The following TSPAN11 variants were observed in gnomAD, a reference collection of about 807,000 sequenced individuals.
The protein encoded by TSPAN11 is tetraspanin 11, also known as tetraspanin-11.
A neutral mutation model predicts 32.9 loss-of-function variants in TSPAN11; 29 were observed. That is an observed-to-expected ratio of 0.88 (90% CI 0.66 to 1.20). The LOEUF is 1.20. TSPAN11 is among the 50% of genes most tolerant of loss of function. TSPAN11 has a pLI of 0.00. For synonymous variants in TSPAN11, 140 were observed against 141.3 expected, an observed-to-expected ratio of 0.99 and a Z score of 0.07; for missense variants, 283 against 329.1, an observed-to-expected ratio of 0.86 and a Z score of 1.08.
At chr12:30,959,901 T>TATCTATTAAAAACACAGAGTAGA (rs1565795028) in intron 2 of TSPAN11, among the ~76,000 whole-genome samples, 10 of 149,192 alleles carry the variant, frequency 6.7e-5, no homozygotes, top group African/African-American at 2.0e-4. Context: ...TTTTTGGGCT[T>TATCTATTAAAAACACAGAGTAGA]GGTGCCTGGG....
intron 3 of TSPAN11, among the ~76,000 whole-genome samples, chr12:30,964,476 A>AT (rs555916861): frequency 2.0e-5 from 3 of 146,624 alleles, no homozygotes; most frequent in African/African-American, 7.6e-5. Flanking sequence ...TTTTATGGCA[A>AT]TTTTCAAAGA....
At chr12:31,003,929 T>C in the TSPAN11 span, among the ~76,000 whole-genome samples, 1 of 152,136 alleles carries the variant, frequency 6.6e-6, no homozygotes, top group Non-Finnish European at 1.5e-5. Context: ...CATCAAAAGT[T>C]ATATCCTCCT....
At chr12:30,928,158 T>C (rs905398874) in intron 1 of TSPAN11, among the ~76,000 whole-genome samples, 2 of 152,184 alleles carry the variant, frequency 1.3e-5, no homozygotes, top group East Asian at 1.9e-4. Context: ...TTCCCCATAG[T>C]TCTTGTGTGA....
At chr12:30,985,537 C>A (rs1016077737) in intron 7 of TSPAN11, among the ~76,000 whole-genome samples, 3 of 152,118 alleles carry the variant, frequency 2.0e-5, no homozygotes, top group African/African-American at 7.2e-5. Flanking sequence ...TGTGCTGAAC[C>A]CCAGAGGAGT....
intron 7 of TSPAN11, among the ~76,000 whole-genome samples, chr12:30,988,795 C>T (rs770031015): frequency 2.6e-5 from 4 of 152,192 alleles, no homozygotes; most frequent in Non-Finnish European, 5.9e-5. Flanking sequence ...AGAAAGTCAC[C>T]TGCTGAAGGT....
intron 1 of TSPAN11, 80 bp from the exon 2 acceptor site, chr12:30,953,901 T>TTGCCAAGA: frequency 9.4e-7 from 1 of 1,064,612 alleles, no homozygotes; most frequent in Non-Finnish European, 1.4e-6. Context: ...GAAGGGAGCC[T>TTGCCAAGA]TGCCAAGATG....
At chr12:30,931,879 CAAAAAAAAAA>C (rs58500177) in intron 1 of TSPAN11, among the ~76,000 whole-genome samples, 1 of 60,872 alleles carries the variant, frequency 1.6e-5, no homozygotes, top group Non-Finnish European at 3.0e-5. Context: ...GACGCTGTAT[CAAAAAAAAAA>C]AAAAAAAAAA....
At chr12:30,968,766 C>T (rs1938788909) in intron 3 of TSPAN11, among the ~76,000 whole-genome samples, 1 of 152,178 alleles carries the variant, frequency 6.6e-6, no homozygotes, top group Non-Finnish European at 1.5e-5. Flanking sequence ...GTTCTAAAAA[C>T]CAATTTCTAA....
intron 7 of TSPAN11, among the ~76,000 whole-genome samples, chr12:30,985,203 G>A (rs1360607296): frequency 6.6e-6 from 1 of 152,078 alleles, no homozygotes; most frequent in Non-Finnish European, 1.5e-5. Context: ...CCTAGGGCCA[G>A]TTCTTTCATC....
chr12:31,006,444 G>A, the TSPAN11 span, among the ~76,000 whole-genome samples: 14 of 152,354 alleles, frequency 9.2e-5, no homozygotes, highest in South Asian at 2.1e-4. Context: ...AACCCACATC[G>A]AAATTTGAGA....
chr12:31,006,038 G>A, the TSPAN11 span: 1 of 153,912 alleles, frequency 6.5e-6, no homozygotes, highest in African/African-American at 2.4e-5. Flanking sequence ...GGCAGGAAGG[G>A]AGAGGGAGGA....
chr12:30,957,338 G>A (rs1938504190), intron 2 of TSPAN11, among the ~76,000 whole-genome samples: 1 of 151,694 alleles, frequency 6.6e-6, no homozygotes, highest in South Asian at 2.1e-4. Flanking sequence ...CAGTGCCGTG[G>A]CAGGTGAGAC....
chr12:30,967,897 A>G (rs1444880699), intron 3 of TSPAN11, among the ~76,000 whole-genome samples: 1 of 151,992 alleles, frequency 6.6e-6, no homozygotes, highest in Non-Finnish European at 1.5e-5. Flanking sequence ...GATCCTGAGT[A>G]ATCCACATCC....
chr12:31,005,435 G>A, the TSPAN11 span, among the ~76,000 whole-genome samples: 1 of 152,190 alleles, frequency 6.6e-6, no homozygotes, highest in East Asian at 1.9e-4. Context: ...CCCATGGGGG[G>A]AACAAAATGT....
chr12:30,985,853 G>A (rs1660982801), intron 7 of TSPAN11, among the ~76,000 whole-genome samples: 1 of 152,242 alleles, frequency 6.6e-6, no homozygotes, highest in African/African-American at 2.4e-5. Flanking sequence ...CTGCAGGCCT[G>A]CCACTCCTCC....
At chr12:31,000,324 C>G (rs1015677501), downstream of TSPAN11, among the ~76,000 whole-genome samples, 7 of 152,224 alleles carry the variant, frequency 4.6e-5, no homozygotes, top group Non-Finnish European at 8.8e-5. Flanking sequence ...CTGACCACCC[C>G]CTTCCCACAC....
At chr12:30,934,683 G>A (rs1029003840) in intron 1 of TSPAN11, among the ~76,000 whole-genome samples, 7 of 150,454 alleles carry the variant, frequency 4.7e-5, no homozygotes, top group Non-Finnish European at 7.4e-5. Context: ...GCTGTCATTA[G>A]TGTTAGGGTA....
intron 5 of TSPAN11, 47 bp from the exon 6 acceptor site, chr12:30,982,485 T>G: frequency 6.3e-7 from 1 of 1,578,448 alleles, no homozygotes; most frequent in Non-Finnish European, 8.6e-7. Flanking sequence ...CCTGGGACCC[T>G]ACGCAGGCCT....
chr12:30,934,653 T>C (rs566272399), intron 1 of TSPAN11, among the ~76,000 whole-genome samples: 5 of 152,088 alleles, frequency 3.3e-5, no homozygotes, highest in South Asian at 4.2e-4. Context: ...TTTTTGCAAT[T>C]TTTTTCTTTT....
Sources: gnomAD v4.1 joint callset for allele counts (sites outside exome capture counted in the v4.1 genomes callset) on GRCh38, gnomAD v4.1.1 for gene constraint, MANE v1.5 for transcripts, NCBI Gene and HGNC (gene_info 2026-07-23, HGNC 2026-07-21) for gene names.